Variants in ZEB1 observed in about 807,000 individuals in gnomAD.
The protein encoded by ZEB1 is zinc finger E-box-binding homeobox 1.
In ZEB1, 21 loss-of-function variants were observed where a neutral mutation model predicts 84.9. That is an observed-to-expected ratio of 0.25 (90% CI 0.18 to 0.36). The LOEUF is 0.36. Among genes scored for constraint, ZEB1 ranks in the 10% least tolerant of loss-of-function variants. The pLI is 1.00. For missense variants in ZEB1, 1,104 were observed against 1,330.2 expected (o/e 0.83, Z 2.65); for synonymous variants, 420 against 471.1 (o/e 0.89, Z 1.41).
intron 1 of ZEB1, among the ~76,000 whole-genome samples, chr10:31,327,000 G>C (rs2035639380): frequency 6.6e-6 from 1 of 151,512 alleles, no homozygotes; most frequent in African/African-American, 2.4e-5. Context: ...TTTGTAGCTA[G>C]CCTTGTAAAA....
chr10:31,444,658 T>C (rs2059521413), intron 1 of ZEB1, among the ~76,000 whole-genome samples: 1 of 152,112 alleles, frequency 6.6e-6, no homozygotes, highest in Non-Finnish European at 1.5e-5. Context: ...CAGCACCATT[T>C]GTTAAATAGG....
At chr10:31,350,456 T>C (rs1355515300) in intron 1 of ZEB1, among the ~76,000 whole-genome samples, 1 of 152,164 alleles carries the variant, frequency 6.6e-6, no homozygotes, top group Admixed American at 6.5e-5. Context: ...TTACTGATTG[T>C]AGGAGAAATC....
intron 2 of ZEB1, among the ~76,000 whole-genome samples, chr10:31,493,421 G>A (rs1591828997): frequency 6.6e-6 from 1 of 151,660 alleles, no homozygotes; most frequent in African/African-American, 2.4e-5. Flanking sequence ...ATTTGCTTTA[G>A]AATTTATACT....
intron 2 of ZEB1, among the ~76,000 whole-genome samples, chr10:31,490,386 C>T (rs1591808386): frequency 6.6e-6 from 1 of 151,224 alleles, no homozygotes; most frequent in South Asian, 2.1e-4. Flanking sequence ...AATATTTTTA[C>T]TCTGTCTTAT....
At position 31,411,626 on chromosome 10, in the gene ZEB1, G is replaced by A. The variant is rs1412335930; in HGVS notation, c.59-49411G>A. Reference sequence around the variant, plus strand: ...CGCAGTCCGGCCTGGGCGACAGAGCGAGACTCCGTCTCAAAAAAAAAAAAA... The same window carrying A: ...CGCAGTCCGGCCTGGGCGACAGAGCAAGACTCCGTCTCAAAAAAAAAAAAA... On this transcript the variant is annotated intron_variant, in intron 1 of 8. Transcript: ENST00000424869. Among the ~76,000 whole-genome samples the A allele has an allele frequency of 1.3e-4, 14 of 111,240 alleles. No homozygotes were observed. In the East Asian group the frequency reaches 1.8e-3, roughly 14 times the overall value. The allele number at this position is 111,240 out of a possible 152,430, so 73.0% of individuals were successfully genotyped here. A position where few individuals can be genotyped will look rare whatever the true frequency, so the allele number is the denominator to read the frequency against.
chr10:31,469,569 C>T (rs1295381670), intron 2 of ZEB1, among the ~76,000 whole-genome samples: 1 of 151,664 alleles, frequency 6.6e-6, no homozygotes, highest in Non-Finnish European at 1.5e-5. Flanking sequence ...CCTACGCCCA[C>T]GGAGTCTCGC....
At chr10:31,399,264 G>A (rs764498454) in intron 1 of ZEB1, among the ~76,000 whole-genome samples, 15 of 152,012 alleles carry the variant, frequency 9.9e-5, no homozygotes, top group Non-Finnish European at 1.5e-4. Flanking sequence ...CAAAGTGCTG[G>A]GATTACAGAT....
chr10:31,446,998 A>T (rs533380438), intron 1 of ZEB1, among the ~76,000 whole-genome samples: 1 of 151,558 alleles, frequency 6.6e-6, no homozygotes, highest in Non-Finnish European at 1.5e-5. Context: ...TGATCTGTCT[A>T]ATGTTGACAG....
intron 1 of ZEB1, among the ~76,000 whole-genome samples, chr10:31,424,147 G>A (rs1274555607): frequency 1.3e-5 from 2 of 151,970 alleles, no homozygotes; most frequent in East Asian, 1.9e-4. Flanking sequence ...TCTCTAATAT[G>A]TGTTTACGTA....
rs537596694 is a variant in ZEB1 at position 31,333,248 on chromosome 10, G to T, written c.58+13956G>T. 2.0e-5 allele frequency among the ~76,000 whole-genome samples: 3 copies of T among 152,224 alleles called. No individual in the cohort carries two copies. In the South Asian group the frequency reaches 6.2e-4, roughly 32 times the overall value. On this transcript the variant is annotated intron_variant, in intron 1 of 8. Coordinates refer to ENST00000424869, the MANE Select transcript of ZEB1 (RefSeq NM_001174096.2). ...CATCTTGTTCATTTTCACCTGAGTTGTATAGAGCCTGGGAATTGCTATATA... is the reference window on the plus strand; with the variant it reads ...CATCTTGTTCATTTTCACCTGAGTTTTATAGAGCCTGGGAATTGCTATATA...
chr10:31,340,947 G>A (rs888079932), intron 1 of ZEB1, among the ~76,000 whole-genome samples: 1 of 152,144 alleles, frequency 6.6e-6, no homozygotes, highest in Non-Finnish European at 1.5e-5. Context: ...GAATGTTCTG[G>A]ACATACAAGC....
chr10:31,428,946 C>T (rs1012594307), intron 1 of ZEB1, among the ~76,000 whole-genome samples: 2 of 152,098 alleles, frequency 1.3e-5, no homozygotes, highest in Non-Finnish European at 2.9e-5. Context: ...TATTTTGAGC[C>T]TATGTGTGTC....
intron 2 of ZEB1, among the ~76,000 whole-genome samples, chr10:31,493,623 A>T (rs2066845296): frequency 6.6e-6 from 1 of 151,950 alleles, no homozygotes; most frequent in Non-Finnish European, 1.5e-5. Flanking sequence ...CTGCTTGAAA[A>T]ATACTTAGCA....
chr10:31,514,448 GAGTT>G (rs1565179717), intron 5 of ZEB1, among the ~76,000 whole-genome samples, 151 bp from the exon 6 acceptor site: 1 of 152,032 alleles, frequency 6.6e-6, no homozygotes, highest in African/African-American at 2.4e-5. Context: ...ATAATTTCAA[GAGTT>G]AGATTTTTGT....
At chr10:31,324,274 C>T (rs1339426009) in intron 1 of ZEB1, among the ~76,000 whole-genome samples, 1 of 151,992 alleles carries the variant, frequency 6.6e-6, no homozygotes, top group Non-Finnish European at 1.5e-5. Flanking sequence ...TTTGAAATGG[C>T]ATACCTCCTA....
At chr10:31,499,461 A>C (rs1417145104) in intron 3 of ZEB1, among the ~76,000 whole-genome samples, 1 of 152,186 alleles carries the variant, frequency 6.6e-6, no homozygotes, top group Non-Finnish European at 1.5e-5. Context: ...CCAGTTATCA[A>C]CATCACACCA....
At chr10:31,341,269 T>G (rs1211686630) in intron 1 of ZEB1, among the ~76,000 whole-genome samples, 1 of 152,116 alleles carries the variant, frequency 6.6e-6, no homozygotes, top group Non-Finnish European at 1.5e-5. Context: ...TGACACTTAA[T>G]AGAAATGGAG....
rs555682953 is a variant in ZEB1 at position 31,502,716 on chromosome 10, A to C, written c.484+207A>C. Among the ~76,000 whole-genome samples, 41 of 152,314 alleles carry C rather than the reference A, an allele frequency of 2.7e-4. 1 individual carries two copies. In the South Asian group the frequency reaches 8.3e-3, roughly 31 times the overall value. ...TTATTAGCTGCTCATGTATTGTGGT[A>C]GTAATGCCACTGCACGTGAAATGCT... On this transcript the variant is annotated intron_variant, in intron 4 of 8. Coordinates refer to ENST00000424869, the MANE Select transcript of ZEB1 (RefSeq NM_001174096.2).
intron 1 of ZEB1, among the ~76,000 whole-genome samples, chr10:31,369,733 G>C (rs1174844702): frequency 6.6e-6 from 1 of 152,122 alleles, no homozygotes; most frequent in Non-Finnish European, 1.5e-5. Flanking sequence ...GGGATCACTA[G>C]ATCATACAGT....
Sources: allele counts gnomAD v4.1 joint callset (sites outside exome capture counted in the v4.1 genomes callset), GRCh38; gene constraint gnomAD v4.1.1; transcripts MANE v1.5; gene names NCBI Gene and HGNC (gene_info 2026-07-23, HGNC 2026-07-21).